The following SLC38A12 variants were observed in gnomAD, a reference collection of about 807,000 sequenced individuals.
SLC38A12 encodes the protein putative sodium-coupled neutral amino acid transporter 12.
the SLC38A12 span, chr17:74,836,421 G>T: frequency 1.2e-6 from 2 of 1,609,972 alleles, no homozygotes; most frequent in Non-Finnish European, 1.7e-6. The surrounding 1 kb of genome is among the most constrained non-coding windows in gnomAD (Gnocchi z 4.2). Flanking sequence ...GGTGCCGCCT[G>T]TGCTGGTGGC....
At chr17:74,830,797 C>T in the SLC38A12 span, among the ~76,000 whole-genome samples, 16 of 152,216 alleles carry the variant, frequency 1.1e-4, no homozygotes, top group African/African-American at 3.1e-4. Flanking sequence ...TGTGCCTTCG[C>T]TCTGTCTTCC....
the SLC38A12 span, among the ~76,000 whole-genome samples, chr17:74,828,301 T>G: frequency 6.6e-6 from 1 of 152,104 alleles, no homozygotes; most frequent in Non-Finnish European, 1.5e-5. Context: ...AAGGCACAGC[T>G]CAGCACTGGC....
the SLC38A12 span, among the ~76,000 whole-genome samples, chr17:74,797,072 G>C: frequency 2.0e-5 from 3 of 152,186 alleles, no homozygotes; most frequent in African/African-American, 7.2e-5. Context: ...GTCTTTGCTG[G>C]GGAGGCTGCT....
the SLC38A12 span, chr17:74,777,506 G>T: frequency 6.4e-7 from 1 of 1,552,464 alleles, no homozygotes; most frequent in South Asian, 1.1e-5. Context: ...GGATGGGGGA[G>T]TTCCATGGGG....
the SLC38A12 span, among the ~76,000 whole-genome samples, chr17:74,811,544 A>T: frequency 3.6e-5 from 5 of 140,108 alleles, 1 homozygote; most frequent in South Asian, 4.6e-4. Context: ...AACATGGTGA[A>T]ATCTCATCTC....
the SLC38A12 span, among the ~76,000 whole-genome samples, chr17:74,783,823 C>T: frequency 2.0e-5 from 3 of 148,444 alleles, no homozygotes; most frequent in African/African-American, 5.1e-5. Context: ...CTCCACCTCC[C>T]GGGTTCAAGC....
the SLC38A12 span, among the ~76,000 whole-genome samples, chr17:74,795,317 T>C: frequency 1.3e-5 from 2 of 152,118 alleles, no homozygotes; most frequent in East Asian, 3.9e-4. Flanking sequence ...CCTGCCCCAC[T>C]AGGTTCCCAC....
At chr17:74,812,051 G>A in the SLC38A12 span, among the ~76,000 whole-genome samples, 46 of 151,510 alleles carry the variant, frequency 3.0e-4, no homozygotes, top group Middle Eastern at 3.4e-3. Flanking sequence ...AAAAAAAATA[G>A]CATTGACTTA....
At chr17:74,785,186 A>G in the SLC38A12 span, among the ~76,000 whole-genome samples, 3 of 152,336 alleles carry the variant, frequency 2.0e-5, no homozygotes, top group East Asian at 5.8e-4. Flanking sequence ...GTAGAGCGCT[A>G]GCATCTGCGA....
the SLC38A12 span, chr17:74,788,899 A>C: frequency 3.7e-6 from 6 of 1,602,934 alleles, no homozygotes; most frequent in South Asian, 3.3e-5. Flanking sequence ...TCTCCGGGCC[A>C]TGCCTCTGTT....
chr17:74,830,292 G>A, the SLC38A12 span, among the ~76,000 whole-genome samples: 1 of 152,250 alleles, frequency 6.6e-6, no homozygotes, highest in South Asian at 2.1e-4. Flanking sequence ...ATTCTGGAAG[G>A]GAGGGAGAGA....
chr17:74,804,616 G>T, the SLC38A12 span, among the ~76,000 whole-genome samples: 1 of 152,242 alleles, frequency 6.6e-6, no homozygotes, highest in Admixed American at 6.5e-5. Flanking sequence ...GGCACTGGGG[G>T]TGTGGCAGCA....
the SLC38A12 span, among the ~76,000 whole-genome samples, chr17:74,807,191 G>C: frequency 1.3e-5 from 2 of 150,028 alleles, no homozygotes; most frequent in Non-Finnish European, 3.0e-5. Flanking sequence ...CCTTGCTTTG[G>C]AGTCAGAGGA....
the SLC38A12 span, chr17:74,777,486 A>G: frequency 1.3e-6 from 2 of 1,570,948 alleles, no homozygotes; most frequent in Non-Finnish European, 1.7e-6. Flanking sequence ...AGCAGACCAT[A>G]GTGGAAGCAG....
chr17:74,837,035 A>T, the SLC38A12 span: 2 of 1,074,898 alleles, frequency 1.9e-6, no homozygotes, highest in Non-Finnish European at 2.3e-6. Context: ...GCACAATGGG[A>T]GATGCAGTGC....
At chr17:74,819,412 A>G in the SLC38A12 span, among the ~76,000 whole-genome samples, 1 of 152,198 alleles carries the variant, frequency 6.6e-6, no homozygotes, top group Non-Finnish European at 1.5e-5. Context: ...GGGCAGTTCG[A>G]GGGTGGGCAC....
At chr17:74,822,582 G>T in the SLC38A12 span, among the ~76,000 whole-genome samples, 4 of 152,238 alleles carry the variant, frequency 2.6e-5, no homozygotes, top group Non-Finnish European at 5.9e-5. Flanking sequence ...AGCCTCTCAG[G>T]CGAACCTTTT....
At chr17:74,822,325 A>G in the SLC38A12 span, among the ~76,000 whole-genome samples, 1 of 152,116 alleles carries the variant, frequency 6.6e-6, no homozygotes, top group Non-Finnish European at 1.5e-5. Context: ...TGGCTTTAGA[A>G]AATCAACTCC....
chr17:74,791,008 A>T, the SLC38A12 span: 37 of 1,614,026 alleles, frequency 2.3e-5, no homozygotes, highest in South Asian at 3.5e-4. Context: ...TGGAAATGGG[A>T]CAAATGGCCT....
Sources: allele counts gnomAD v4.1 joint callset (sites outside exome capture counted in the v4.1 genomes callset), GRCh38; gene constraint gnomAD v4.1.1; non-coding constraint Gnocchi (gnomAD v3.1); transcripts MANE v1.5; gene names NCBI Gene and HGNC (gene_info 2026-07-23, HGNC 2026-07-21).